Variants in IFRD1 observed in about 807,000 individuals in gnomAD.
IFRD1 encodes interferon-related developmental regulator 1.
A neutral mutation model predicts 52.9 loss-of-function variants in IFRD1; 35 were observed. The observed-to-expected ratio is 0.66, with a 90% confidence interval of 0.51 to 0.88. IFRD1 has a LOEUF of 0.88. IFRD1 is among the 40% of genes least tolerant of loss of function. The pLI, the probability that IFRD1 is intolerant of heterozygous loss-of-function variation, is 0.00. For missense variants in IFRD1, 517 were observed against 550.8 expected (o/e 0.94, Z 0.61); for synonymous variants, 184 against 188.4 (o/e 0.98, Z 0.19).
chr7:112,429,646 C>A (rs1389912143), intron 1 of IFRD1, among the ~76,000 whole-genome samples: 1 of 152,210 alleles, frequency 6.6e-6, no homozygotes, highest in Non-Finnish European at 1.5e-5. Context: ...AATGTCCCGT[C>A]TGCTTCAACA....
Position 112,470,709 on chromosome 7 carries a change from A to T in IFRD1, c.1042-1510A>T, listed in dbSNP as rs186715389. 1.1e-3 allele frequency among the ~76,000 whole-genome samples: 171 copies of T among 152,344 alleles called. 1 individual carries two copies. The highest frequency in any genetic ancestry group is 1.4e-3 in the Non-Finnish European group (93 of 68,036). On this transcript the variant is annotated intron_variant, in intron 9 of 11. Coordinates refer to ENST00000403825, the MANE Select transcript of IFRD1 (RefSeq NM_001550.4). ...ATTTGAGTATTCAAGTCCCTGATAT[A>T]AAATGGCATAGTATTTGCATATAAC...
chr7:112,431,849 T>C (rs1794554218), intron 1 of IFRD1, among the ~76,000 whole-genome samples: 1 of 152,186 alleles, frequency 6.6e-6, no homozygotes, highest in Non-Finnish European at 1.5e-5. Context: ...GAGGCCTCAA[T>C]TCCTAGAAAG....
At position 112,472,202 on chromosome 7, in the gene IFRD1, G is replaced by C. The variant is rs760057973; in HGVS notation, c.1042-17G>C. The C allele has an allele frequency of 6.2e-7, 1 of 1,613,674 alleles. No individual in the cohort carries two copies. Among genetic ancestry groups the C allele is most frequent in the South Asian group, 1.1e-5 (1 of 91,076 alleles). On this transcript the variant is annotated splice_polypyrimidine_tract_variant and intron_variant, in intron 9 of 11. Coordinates refer to ENST00000403825, the MANE Select transcript of IFRD1 (RefSeq NM_001550.4). Reference sequence around the variant, plus strand: ...CATTTTAGTGCCTGTGGTAATTTTGGTTCTTCCATTGGTTAGGAACGGGAT... The same window carrying C: ...CATTTTAGTGCCTGTGGTAATTTTGCTTCTTCCATTGGTTAGGAACGGGAT...
At chr7:112,442,308 T>A (rs1014626298) in intron 1 of IFRD1, among the ~76,000 whole-genome samples, 14 of 152,248 alleles carry the variant, frequency 9.2e-5, no homozygotes, top group African/African-American at 2.9e-4. Flanking sequence ...TGCTTACTGA[T>A]GTCTAAAATT....
rs1461895445 is a variant in IFRD1 at position 112,462,513 on chromosome 7, C to T, written c.906+135C>T. ...AACCCAGTGATTTATTTCCCTACTT[C>T]TTGGCAGTGGTGGTGTAATACTTTA... On this transcript the variant is annotated intron_variant, in intron 8 of 11. Coordinates refer to ENST00000403825, the MANE Select transcript of IFRD1 (RefSeq NM_001550.4). The T allele has an allele frequency of 7.0e-6, 5 of 719,424 alleles. No individual in the cohort carries two copies. The African/African-American group carries it at 7.0e-5, about 10-fold the overall frequency. The allele number at this position is 719,424 out of a possible 1,614,324, so 44.6% of individuals were successfully genotyped here.
intron 1 of IFRD1, among the ~76,000 whole-genome samples, chr7:112,453,563 A>G (rs539622433): frequency 6.7e-4 from 102 of 152,346 alleles, no homozygotes; most frequent in African/African-American, 2.3e-3. Flanking sequence ...GCTATGAAAA[A>G]GAAAAACTGT....
intron 10 of IFRD1, 43 bp downstream of exon 10, chr7:112,472,390 G>T: frequency 6.2e-7 from 1 of 1,610,560 alleles, no homozygotes; most frequent in Non-Finnish European, 8.5e-7. Context: ...AAAGTAGGGA[G>T]CAGTCTTGAA....
chr7:112,447,373 G>C (rs1050448539), upstream of IFRD1, among the ~76,000 whole-genome samples: 1 of 152,176 alleles, frequency 6.6e-6, no homozygotes, highest in Non-Finnish European at 1.5e-5. Context: ...TTATTTATTA[G>C]AGCATGAGAG....
At chr7:112,448,601 G>A (rs149060157), upstream of IFRD1, among the ~76,000 whole-genome samples, 1,061 of 152,272 alleles carry the variant, frequency 7.0e-3, 20 homozygotes, top group African/African-American at 0.024. Context: ...ACCTGCCTCC[G>A]TATTTGGTTT....
chr7:112,457,596 T>A (rs1795327733), intron 4 of IFRD1: 1 of 153,062 alleles, frequency 6.5e-6, no homozygotes, highest in South Asian at 2.0e-4. Flanking sequence ...AAAAGACTTG[T>A]GACTCGGCAT....
chr7:112,444,823 A>G (rs1794979483), intron 1 of IFRD1, among the ~76,000 whole-genome samples: 1 of 152,184 alleles, frequency 6.6e-6, no homozygotes, highest in Non-Finnish European at 1.5e-5. Context: ...AGGGGGAAAG[A>G]GTTGAAAAAC....
chr7:112,436,600 T>C (rs1262835500), intron 1 of IFRD1, among the ~76,000 whole-genome samples: 1 of 152,190 alleles, frequency 6.6e-6, no homozygotes, highest in East Asian at 1.9e-4. Context: ...CTGTGTGCTA[T>C]GTTCTGTCCC....
At chr7:112,470,833 T>C (rs947629350) in intron 9 of IFRD1, among the ~76,000 whole-genome samples, 1 of 152,228 alleles carries the variant, frequency 6.6e-6, no homozygotes, top group Non-Finnish European at 1.5e-5. Context: ...GTTTAGGGAA[T>C]AGTGGAAAGA....
chr7:112,450,652 C>A lies in IFRD1; in HGVS notation c.-37C>A. On this transcript the variant is annotated 5_prime_UTR_variant, in exon 1 of 12. Coordinates refer to ENST00000403825, the MANE Select transcript of IFRD1 (RefSeq NM_001550.4). ...GTGCAGCTCCATCGGCTGATCCTCG[C>A]TAAGCTCCGACTCTGGGCGGCACCG... The A allele has an allele frequency of 6.4e-7, 1 of 1,552,922 alleles. No homozygotes were observed. The highest frequency in any genetic ancestry group is 8.9e-7 in the Non-Finnish European group (1 of 1,125,414).
At chr7:112,455,952 CCT>C (rs1795281325) in intron 2 of IFRD1, 48 bp from the exon 3 acceptor site, 3 of 1,451,026 alleles carry the variant, frequency 2.1e-6, no homozygotes, top group East Asian at 2.3e-5. Flanking sequence ...ACTATTATTC[CCT>C]GTTTTTTTTC....
intron 7 of IFRD1, 43 bp downstream of exon 7, chr7:112,462,222 T>G (rs1246488764): frequency 6.2e-7 from 1 of 1,609,310 alleles, no homozygotes; most frequent in Admixed American, 1.7e-5. Context: ...CAACATTTAG[T>G]GGACATAATT....
intron 10 of IFRD1, 62 bp from the exon 11 acceptor site, chr7:112,472,704 T>A (rs961226308): frequency 3.0e-6 from 3 of 987,572 alleles, no homozygotes; most frequent in Admixed American, 1.7e-5. Flanking sequence ...AGTCACTCTG[T>A]CTAGTGAAAA....
At chr7:112,457,476 T>A in intron 4 of IFRD1, 2 of 187,276 alleles carry the variant, frequency 1.1e-5, no homozygotes, top group Non-Finnish European at 1.1e-5. Flanking sequence ...GAATTCAAAT[T>A]GTTACAGTGA....
chr7:112,451,742 A>G (rs1795171118), intron 1 of IFRD1, among the ~76,000 whole-genome samples: 1 of 152,216 alleles, frequency 6.6e-6, no homozygotes, highest in Non-Finnish European at 1.5e-5. Flanking sequence ...TCGAGTATTA[A>G]ATAACCTGGG....
Sources: allele counts gnomAD v4.1 joint callset (sites outside exome capture counted in the v4.1 genomes callset), GRCh38; gene constraint gnomAD v4.1.1; transcripts MANE v1.5; gene names NCBI Gene and HGNC (gene_info 2026-07-23, HGNC 2026-07-21).